The following TMEM63C variants were observed in gnomAD, a reference collection of about 807,000 sequenced individuals.
TMEM63C encodes the protein transmembrane protein 63C.
TMEM63C carries 32 observed loss-of-function variants against 99.2 expected under a neutral mutation model. That is an observed-to-expected ratio of 0.32 (90% CI 0.24 to 0.43). The LOEUF (loss-of-function observed/expected upper bound fraction) is 0.43, where lower values mean the gene tolerates loss of function less well. Ranked by LOEUF, TMEM63C falls within the 20% of genes least tolerant of loss-of-function variation. TMEM63C has a pLI of 1.00. For missense variants in TMEM63C, 826 were observed against 1,053.0 expected, an observed-to-expected ratio of 0.78 and a Z score of 2.98; for synonymous variants, 376 against 397.9, an observed-to-expected ratio of 0.94 and a Z score of 0.66.
intron 12 of TMEM63C, 44 bp downstream of exon 12, chr14:77,239,770 G>A (rs780506192): frequency 1.2e-6 from 2 of 1,602,918 alleles, no homozygotes; most frequent in Middle Eastern, 1.7e-4. Context: ...GAGCGGTGGG[G>A]TCCTGGGGCT....
At chr14:77,190,892 A>C (rs757317594) in intron 1 of TMEM63C, among the ~76,000 whole-genome samples, 4 of 152,228 alleles carry the variant, frequency 2.6e-5, no homozygotes, top group Non-Finnish European at 5.9e-5. Flanking sequence ...AAGCCAACAC[A>C]AATTTTGGAA....
intron 5 of TMEM63C, among the ~76,000 whole-genome samples, chr14:77,220,911 CACTCACGCCTCCT>C (rs1349253079): frequency 1.1e-5 from 1 of 92,428 alleles, no homozygotes; most frequent in Non-Finnish European, 2.7e-5. Context: ...CCCCGCCTCC[CACTCACGCCTCCT>C]CTCCCACCCA....
intron 1 of TMEM63C, among the ~76,000 whole-genome samples, chr14:77,191,793 C>T (rs1888115877): frequency 6.6e-6 from 1 of 152,166 alleles, no homozygotes; most frequent in South Asian, 2.1e-4. Context: ...ATCCGCCTGC[C>T]TCGGCCTCCC....
chr14:77,220,279 A>C (rs576788216), intron 5 of TMEM63C, among the ~76,000 whole-genome samples, 192 bp downstream of exon 5: 8 of 152,318 alleles, frequency 5.3e-5, no homozygotes, highest in African/African-American at 1.7e-4. Flanking sequence ...AGATGGAGTT[A>C]TTGACCATAC....
chr14:77,199,623 C>T lies in TMEM63C; in HGVS notation c.-76-13823C>T, dbSNP rs530069662. ...CTCTCCGAGGCCTTCCTTGACCCCC[C>T]GGGCTGTGGTCTCTGAGCCCCACAG... On this transcript the variant is annotated intron_variant, in intron 1 of 23. Coordinates refer to ENST00000298351, the MANE Select transcript of TMEM63C (RefSeq NM_020431.4). 1.1e-4 allele frequency among the ~76,000 whole-genome samples: 17 copies of T among 152,308 alleles called. No homozygotes were observed. The East Asian group carries it at 1.9e-3, about 17-fold the overall frequency.
rs55863810 is a variant in TMEM63C at position 77,230,201 on chromosome 14, C to CAAAA, written c.351-1376_351-1373dup. Among the ~76,000 whole-genome samples the CAAAA allele has an allele frequency of 1.2e-4, 16 of 138,582 alleles. 1 individual carries two copies. The highest frequency in any genetic ancestry group is 4.6e-4 in the South Asian group (2 of 4,302). 90.9% of individuals were successfully genotyped at this position (138,582 alleles called of 152,430 possible). On this transcript the variant is annotated intron_variant, in intron 6 of 23. Coordinates refer to ENST00000298351, the MANE Select transcript of TMEM63C (RefSeq NM_020431.4). ...TGGGCAACAGAGCAAGACTCTGTCTCAAAAAAAAAAAAAATGTACAGCTCA... is the reference window on the plus strand; with the variant it reads ...TGGGCAACAGAGCAAGACTCTGTCTCAAAAAAAAAAAAAAAAAATGTACAGCTCA...
At chr14:77,223,702 A>G (rs1888767352) in intron 5 of TMEM63C, among the ~76,000 whole-genome samples, 1 of 152,096 alleles carries the variant, frequency 6.6e-6, no homozygotes, top group African/African-American at 2.4e-5. Context: ...AGATCCACAC[A>G]GGATATTCAT....
rs1325519187 is a variant in TMEM63C, at chr14:77,251,863, T to G, written c.2113T>G (p.Phe705Val). 3.7e-6 allele frequency: 6 copies of G among 1,613,896 alleles called. No homozygotes were observed. Among genetic ancestry groups the G allele is most frequent in the Non-Finnish European group, 5.1e-6 (6 of 1,179,908 alleles). The change falls in exon 22 of 24, where the codon TTT becomes GTT. Residue 705 changes from phenylalanine to valine, a missense_variant. By Grantham distance (50) the Phe-to-Val change is conservative. Coordinates refer to ENST00000298351, the MANE Select transcript of TMEM63C (RefSeq NM_020431.4). The part of the protein sequence containing the change: ...IAMVIAFVGI[F>V]LGKLRMVADY... ...CATGGTGATTGCCTTTGTTGGCATT[T>G]TTCTGGGGAAGCTTCGGATGGTTGC...
rs751066102 is a variant in TMEM63C at position 77,239,510 on chromosome 14, C to A, written c.806+18C>A. The stretch of plus-strand genomic sequence containing the variant: ...GATCAGAGGTGAGGCTGCAGCGGGG[C>A]CTTTTGGGGCCCGGGGTGGGGGTAA... On this transcript the variant is annotated intron_variant, in intron 11 of 23. Coordinates refer to ENST00000298351, the MANE Select transcript of TMEM63C (RefSeq NM_020431.4). 47 of 1,612,922 alleles carry A rather than the reference C, an allele frequency of 2.9e-5. No homozygotes were observed. The highest frequency in any genetic ancestry group is 3.5e-5 in the Non-Finnish European group (41 of 1,179,618).
At chr14:77,247,153 C>T (rs1021221112) in intron 18 of TMEM63C, among the ~76,000 whole-genome samples, 2 of 152,086 alleles carry the variant, frequency 1.3e-5, no homozygotes, top group African/African-American at 4.8e-5. Flanking sequence ...TTACAGTTAT[C>T]AAGATATTTT....
At chr14:77,242,796 G>A (rs1889202094) in intron 14 of TMEM63C, 107 bp from the exon 15 acceptor site, 3 of 1,349,324 alleles carry the variant, frequency 2.2e-6, no homozygotes, top group Admixed American at 1.8e-5. Context: ...CCAGGAGGCT[G>A]GATTAGACCA....
In TMEM63C at chr14:77,256,576, C is replaced by A. The variant is rs560875921; in HGVS notation, c.2271C>A (p.Ala757=). 2 of 1,614,022 alleles carry A rather than the reference C, an allele frequency of 1.2e-6. No homozygotes were observed. The highest frequency in any genetic ancestry group is 2.2e-5 in the South Asian group (2 of 91,078). The change falls in exon 24 of 24, where the codon GCC becomes GCA. Residue 757 remains alanine (A), a synonymous_variant. Transcript: ENST00000298351. ...AACCGGAGTTGAATCTGACCCCCGC[C>A]TCCTCCCCAGCCAGGCACACCTATG... ...LQEPELNLTP[A]SSPARHTYGT... is the part of the protein sequence containing the mutation.
chr14:77,245,581 G>C (rs1889256655), intron 16 of TMEM63C, among the ~76,000 whole-genome samples: 1 of 152,228 alleles, frequency 6.6e-6, no homozygotes, highest in Non-Finnish European at 1.5e-5. Flanking sequence ...GTTCCATGTG[G>C]CTGGGGAAGC....
chr14:77,219,029 A>G (rs1181141322), intron 3 of TMEM63C, 66 bp downstream of exon 3: 3 of 1,426,826 alleles, frequency 2.1e-6, no homozygotes, highest in Non-Finnish European at 2.8e-6. Context: ...TTCACAGGTG[A>G]TGCAGTGGGG....
intron 1 of TMEM63C, among the ~76,000 whole-genome samples, chr14:77,211,285 G>A (rs1345063367): frequency 2.0e-5 from 3 of 152,178 alleles, no homozygotes; most frequent in East Asian, 1.9e-4. Context: ...CACTAGCACC[G>A]TGACCTCGGG....
chr14:77,248,720 C>T lies in TMEM63C; in HGVS notation c.1765-47C>T, dbSNP rs768326228. On this transcript the variant is annotated intron_variant, in intron 19 of 23. Transcript: ENST00000298351. ...ATGAGGAGCCACAGAAGTAGTCAAG[C>T]CAAGGGGACTGGGCCACCTCAGGGT... 9 of 1,581,804 alleles carry T rather than the reference C, an allele frequency of 5.7e-6. No homozygotes were observed. In the Admixed American group the frequency reaches 8.3e-5, roughly 15 times the overall value.
In TMEM63C at chr14:77,242,941, G is replaced by A. The variant is rs929064849; in HGVS notation, c.1226G>A (p.Arg409His). The change falls in exon 15 of 24, where the codon CGC becomes CAC. Residue 409 changes from arginine (R) to histidine (H), a missense_variant. Arg to His is a conservative substitution (Grantham distance 29). Coordinates refer to ENST00000298351, the MANE Select transcript of TMEM63C (RefSeq NM_020431.4). Reference sequence around the variant, plus strand: ...GTCCGCCGCTTCTTTTGGTGGGCCCGCTTTATCGCAATCAACACCTTCCTC... The same window carrying A: ...GTCCGCCGCTTCTTTTGGTGGGCCCACTTTATCGCAATCAACACCTTCCTC... ...LSVRRFFWWA[R>H]FIAINTFLFF... 3.1e-6 allele frequency: 5 copies of A among 1,613,972 alleles called. No homozygotes were observed. The highest frequency in any genetic ancestry group is 4.2e-6 in the Non-Finnish European group (5 of 1,179,892).
chr14:77,206,260 G>A (rs1888399863), intron 1 of TMEM63C, among the ~76,000 whole-genome samples: 1 of 152,132 alleles, frequency 6.6e-6, no homozygotes, highest in South Asian at 2.1e-4. Context: ...AGGGGGCTGG[G>A]GAGGCTGCCC....
chr14:77,249,270 G>C lies in TMEM63C; in HGVS notation c.1871-21G>C, dbSNP rs1889317340. On this transcript the variant is annotated intron_variant, in intron 20 of 23. Coordinates refer to ENST00000298351, the MANE Select transcript of TMEM63C (RefSeq NM_020431.4). ...CAGACTTGAAGGGGCCACTGAGTAA[G>C]TTTCCACCTTTGTCCCCCAGGGTTG... is the stretch of plus-strand genomic sequence containing the variant. The C allele has an allele frequency of 2.5e-6, 4 of 1,612,702 alleles. No individual in the cohort carries two copies. The East Asian group carries it at 8.9e-5, about 36-fold the overall frequency.
Sources: allele counts gnomAD v4.1 joint callset (sites outside exome capture counted in the v4.1 genomes callset), GRCh38; gene constraint gnomAD v4.1.1; transcripts MANE v1.5; gene names NCBI Gene and HGNC (gene_info 2026-07-23, HGNC 2026-07-21).